The following PCSK5 variants were observed in gnomAD, a reference collection of about 807,000 sequenced individuals.
PCSK5 encodes the protein prohormone convertase 5.
Under a neutral mutation model 233.2 loss-of-function variants are expected in PCSK5, and 129 were observed. The ratio of observed to expected loss-of-function variants is 0.55; its 90% confidence interval spans 0.48 to 0.64. The LOEUF is 0.64. Among genes scored for constraint, PCSK5 ranks in the 30% least tolerant of loss-of-function variants. The pLI, the probability that PCSK5 is intolerant of heterozygous loss-of-function variation, is 0.00. For synonymous variants in PCSK5, 825 were observed against 879.2 expected, an observed-to-expected ratio of 0.94 and a Z score of 1.09; for missense variants, 2,076 against 2,430.1, an observed-to-expected ratio of 0.85 and a Z score of 3.06.
At chr9:76,178,979 C>T (rs2377528) in intron 14 of PCSK5, among the ~76,000 whole-genome samples, 18,522 of 151,942 alleles carry the variant, frequency 0.12, 1,485 homozygotes, top group Admixed American at 0.21. Flanking sequence ...AGCTTGCTTG[C>T]GTTTTTTTTA....
At chr9:75,966,323 CTG>C (rs999530683) in intron 2 of PCSK5, among the ~76,000 whole-genome samples, 3 of 152,192 alleles carry the variant, frequency 2.0e-5, no homozygotes, top group Admixed American at 2.0e-4. Flanking sequence ...GCAATGGTGA[CTG>C]TGAAACAAAA....
chr9:76,268,564 C>T (rs1039000591), intron 24 of PCSK5, among the ~76,000 whole-genome samples: 1 of 152,176 alleles, frequency 6.6e-6, no homozygotes, highest in Non-Finnish European at 1.5e-5. Flanking sequence ...CTAGAAGCGG[C>T]TGGGTGCAGT....
chr9:76,180,486 G>A (rs1480447029), intron 15 of PCSK5, among the ~76,000 whole-genome samples: 18 of 152,118 alleles, frequency 1.2e-4, no homozygotes, highest in Non-Finnish European at 1.2e-4. Context: ...GCACTAAGGT[G>A]GACCCTGTGC....
intron 5 of PCSK5, among the ~76,000 whole-genome samples, chr9:76,048,248 A>G (rs556977788): frequency 4.3e-4 from 66 of 152,250 alleles, no homozygotes; most frequent in Non-Finnish European, 9.0e-4. Flanking sequence ...CCACACAGAT[A>G]TAAAGTCATG....
chr9:76,073,619 T>A (rs1830548923), intron 7 of PCSK5, among the ~76,000 whole-genome samples: 1 of 152,166 alleles, frequency 6.6e-6, no homozygotes, highest in African/African-American at 2.4e-5. Context: ...TATTTAATCA[T>A]AAAATTATAT....
chr9:76,076,501 G>A (rs1019326017), intron 7 of PCSK5, among the ~76,000 whole-genome samples: 14 of 152,320 alleles, frequency 9.2e-5, no homozygotes, highest in Admixed American at 9.2e-4. Flanking sequence ...GCAGCATCAA[G>A]ACCATCAAAG....
rs571228771 is a variant in PCSK5, at chr9:76,159,054, A to G, written c.1502A>G (p.His501Arg). 2 of 1,614,130 alleles carry G rather than the reference A, an allele frequency of 1.2e-6. No homozygotes were observed. Among genetic ancestry groups the G allele is most frequent in the South Asian group, 2.2e-5 (2 of 91,076 alleles). ...ASGCSDNPNRHVNYLEHVVVR... is the reference protein window; with the variant it reads ...ASGCSDNPNRRVNYLEHVVVR... Reference sequence around the variant, plus strand: ...GGCTGCTCGGATAACCCCAACCGCCATGTCAACTACCTGGAGCACGTCGTT... The same window carrying G: ...GGCTGCTCGGATAACCCCAACCGCCGTGTCAACTACCTGGAGCACGTCGTT... Residue 501 changes from histidine to arginine, a missense_variant, in exon 12 of 38, where the codon CAT becomes CGT. Coordinates refer to ENST00000674117, the MANE Select transcript of PCSK5 (RefSeq NM_001372043.1).
chr9:76,070,154 C>T (rs1189761393), intron 6 of PCSK5, among the ~76,000 whole-genome samples: 1 of 152,094 alleles, frequency 6.6e-6, no homozygotes, highest in East Asian at 1.9e-4. Flanking sequence ...GTGCCCACCA[C>T]TGCGCCCGGC....
In PCSK5 at chr9:76,181,438, G is replaced by C; in HGVS notation, c.2044G>C (p.Asp682His). ...SSCPPGHYHA[D>H]KKRCRKCAPN... ...CTGCCCCCCTGGCCACTACCACGCC[G>C]ACAAGAAGCGCTGCAGGAAGTGTGC... is the stretch of plus-strand genomic sequence containing the variant. Residue 682 changes from aspartate (D) to histidine (H), a missense_variant, in exon 16 of 38, where the codon GAC becomes CAC. Asp to His is a moderately conservative substitution (Grantham distance 81). Coordinates refer to ENST00000674117, the MANE Select transcript of PCSK5 (RefSeq NM_001372043.1). The C allele has an allele frequency of 1.9e-6, 3 of 1,613,932 alleles. No homozygotes were observed. Among genetic ancestry groups the C allele is most frequent in the Admixed American group, 1.7e-5 (1 of 60,000 alleles).
chr9:75,908,927 CTA>C lies in PCSK5; in HGVS notation c.192+17556_192+17557del, dbSNP rs1192599755. Among the ~76,000 whole-genome samples the C allele has an allele frequency of 2.3e-3, 245 of 104,318 alleles. 1 individual carries two copies. Among genetic ancestry groups the C allele is most frequent in the South Asian group, 0.011 (40 of 3,624 alleles). 68.4% of individuals were successfully genotyped at this position (104,318 alleles called of 152,430 possible). On this transcript the variant is annotated intron_variant, in intron 1 of 37. Coordinates refer to ENST00000674117, the MANE Select transcript of PCSK5 (RefSeq NM_001372043.1). Reference sequence around the variant, plus strand: ...TCTATCTATCTATCTATCTATCTCTCTATCTCTCTCTCTGTCTATCTATCTAT... The same window carrying C: ...TCTATCTATCTATCTATCTATCTCTCTCTCTCTCTCTGTCTATCTATCTAT...
chr9:76,076,207 AC>A (rs1830640792), intron 7 of PCSK5, among the ~76,000 whole-genome samples: 1 of 152,022 alleles, frequency 6.6e-6, no homozygotes, highest in Non-Finnish European at 1.5e-5. Context: ...AGAACACAAT[AC>A]TAATGTAGGT....
chr9:76,268,680 C>CA lies in PCSK5; in HGVS notation c.3143-23546dup, dbSNP rs547279857. ...GGAACATAGTGACACCTCATCTCTA[C>CA]AAAAAAATACAAAAACTAGCCAAAT... is the stretch of plus-strand genomic sequence containing the variant. On this transcript the variant is annotated intron_variant, in intron 24 of 37. Coordinates refer to ENST00000674117, the MANE Select transcript of PCSK5 (RefSeq NM_001372043.1). Among the ~76,000 whole-genome samples, 17 of 151,948 alleles carry CA rather than the reference C, an allele frequency of 1.1e-4. 1 individual carries two copies. The South Asian group carries it at 3.1e-3, about 28-fold the overall frequency.
At chr9:76,100,539 A>G (rs180861659) in intron 8 of PCSK5, among the ~76,000 whole-genome samples, 157 of 152,350 alleles carry the variant, frequency 1.0e-3, no homozygotes, top group Non-Finnish European at 1.4e-3. Flanking sequence ...AGTAAATGGT[A>G]GAGCTTGGAT....
intron 29 of PCSK5, among the ~76,000 whole-genome samples, chr9:76,309,022 A>G (rs1828787844): frequency 6.6e-6 from 1 of 152,122 alleles, no homozygotes; most frequent in South Asian, 2.1e-4. Flanking sequence ...GTTTGAGATC[A>G]GCCTGGGAAA....
intron 32 of PCSK5, 148 bp downstream of exon 32, chr9:76,323,436 T>C: frequency 1.6e-6 from 1 of 608,150 alleles, no homozygotes; most frequent in Non-Finnish European, 2.9e-6. Context: ...CAGGCTCAAG[T>C]TCAGTAGCAC....
chr9:75,979,723 T>C (rs1272514747), intron 2 of PCSK5, among the ~76,000 whole-genome samples: 1 of 152,252 alleles, frequency 6.6e-6, no homozygotes, highest in Middle Eastern at 3.2e-3. Context: ...TCTGCACAGA[T>C]GGTTTCTCAT....
At chr9:75,930,893 A>G (rs1213084779) in intron 1 of PCSK5, among the ~76,000 whole-genome samples, 1 of 152,156 alleles carries the variant, frequency 6.6e-6, no homozygotes, top group Non-Finnish European at 1.5e-5. Context: ...AACCCTCCTT[A>G]AAACACTCCT....
chr9:76,260,321 C>T (rs547216008), intron 24 of PCSK5, among the ~76,000 whole-genome samples: 54 of 152,270 alleles, frequency 3.5e-4, no homozygotes, highest in African/African-American at 1.2e-3. Context: ...GAATATGTAA[C>T]CCTACACAGC....
intron 2 of PCSK5, among the ~76,000 whole-genome samples, chr9:75,942,147 GAGCAGCTGCTACCA>G (rs1824337552): frequency 6.6e-6 from 1 of 152,204 alleles, no homozygotes; most frequent in African/African-American, 2.4e-5. Context: ...TGCCTGCCCG[GAGCAGCTGCTACCA>G]ACTGAGGCCG....
Sources: allele counts gnomAD v4.1 joint callset (sites outside exome capture counted in the v4.1 genomes callset), GRCh38; gene constraint gnomAD v4.1.1; transcripts MANE v1.5; gene names NCBI Gene and HGNC (gene_info 2026-07-23, HGNC 2026-07-21).